Variants in ANTXR2 observed in about 807,000 individuals in gnomAD.
ANTXR2 encodes the protein anthrax toxin receptor 2.
ANTXR2 carries 44 observed loss-of-function variants against 73.7 expected under a neutral mutation model. The observed-to-expected ratio is 0.60, with a 90% CI of 0.47 to 0.77. The LOEUF (loss-of-function observed/expected upper bound fraction) is 0.77. Among genes scored for constraint, ANTXR2 ranks in the 30% least tolerant of loss-of-function variants. The pLI, the probability that ANTXR2 is intolerant of heterozygous loss-of-function variation, is 0.00. For synonymous variants in ANTXR2, 217 were observed against 205.9 expected (o/e 1.05, Z -0.46); for missense variants, 604 against 592.5 (o/e 1.02, Z -0.20).
chr4:80,062,230 T>C (rs148681922), intron 3 of ANTXR2, among the ~76,000 whole-genome samples: 1 of 152,264 alleles, frequency 6.6e-6, no homozygotes, highest in East Asian at 1.9e-4. Context: ...AAATACCCTG[T>C]ACAATCTGAA....
At chr4:79,921,601 T>A (rs1226431216) in intron 16 of ANTXR2, among the ~76,000 whole-genome samples, 1 of 152,072 alleles carries the variant, frequency 6.6e-6, no homozygotes, top group Non-Finnish European at 1.5e-5. Context: ...TGGATAAGAC[T>A]TTGTAGAAAT....
chr4:79,909,375 T>C (rs1727037213), intron 16 of ANTXR2, among the ~76,000 whole-genome samples: 1 of 152,190 alleles, frequency 6.6e-6, no homozygotes, highest in African/African-American at 2.4e-5. Context: ...GTGTGATGAC[T>C]AGTAATGGTT....
At chr4:80,055,807 T>A in intron 4 of ANTXR2, 125 bp downstream of exon 4, 1 of 734,772 alleles carries the variant, frequency 1.4e-6, no homozygotes, top group Non-Finnish European at 2.1e-6. Context: ...CTGGAACAAC[T>A]AAAAGCACTT....
At chr4:79,915,824 C>G (rs546823553) in intron 16 of ANTXR2, among the ~76,000 whole-genome samples, 1 of 112,578 alleles carries the variant, frequency 8.9e-6, no homozygotes, top group African/African-American at 3.4e-5. Flanking sequence ...GTCTCTGTCT[C>G]TCTCCCTCTC....
chr4:80,057,606 G>C (rs1472891499), intron 3 of ANTXR2, among the ~76,000 whole-genome samples: 1 of 151,766 alleles, frequency 6.6e-6, no homozygotes, highest in Non-Finnish European at 1.5e-5. Flanking sequence ...TTGGTTTAAA[G>C]TCTACCTATT....
Position 79,903,105 on chromosome 4 carries a change from T to A in ANTXR2, c.*4324A>T, listed in dbSNP as rs1257670491. The A allele has an allele frequency of 6.6e-6, 1 of 150,572 alleles. No homozygotes were observed. Among genetic ancestry groups the A allele is most frequent in the Non-Finnish European group, 1.5e-5 (1 of 67,914 alleles). 9.3% of individuals were successfully genotyped at this position (150,572 alleles called of 1,614,324 possible). A position where few individuals can be genotyped will look rare whatever the true frequency, so the allele number is the denominator to read the frequency against. ...AGGAGGTTACAGTCAGCCCAGACCATGCCATTGAACTCCAGCCTGGGTGAC... is the reference window on the plus strand; with the variant it reads ...AGGAGGTTACAGTCAGCCCAGACCAAGCCATTGAACTCCAGCCTGGGTGAC... On this transcript the variant is annotated 3_prime_UTR_variant, in exon 17 of 17. Transcript: ENST00000403729.
chr4:79,915,860 C>CTA lies in ANTXR2; in HGVS notation c.1429-8394_1429-8393insTA, dbSNP rs775665680. Among the ~76,000 whole-genome samples, 1,011 of 121,904 alleles carry CTA rather than the reference C, an allele frequency of 8.3e-3. 8 individuals carry two copies. The highest frequency in any genetic ancestry group is 0.01 in the African/African-American group (338 of 32,366). The allele number at this position is 121,904 out of a possible 152,430, so 80.0% of individuals were successfully genotyped here. ...TCTCTCTCTCTCTCTCTCTCTCTCT[C>CTA]TCTATATATATATATATACATAAAG... On this transcript the variant is annotated intron_variant, in intron 16 of 16. Coordinates refer to ENST00000403729, the MANE Select transcript of ANTXR2 (RefSeq NM_058172.6).
intron 11 of ANTXR2, among the ~76,000 whole-genome samples, chr4:80,012,927 T>C (rs1731666503): frequency 6.6e-6 from 1 of 152,210 alleles, no homozygotes; most frequent in African/African-American, 2.4e-5. Flanking sequence ...ATTAACATAA[T>C]CTGAACAGCC....
At chr4:80,015,059 T>C (rs1040929094) in intron 11 of ANTXR2, among the ~76,000 whole-genome samples, 4 of 152,182 alleles carry the variant, frequency 2.6e-5, no homozygotes, top group African/African-American at 9.6e-5. Context: ...CAAAATGACA[T>C]TAACTCTAAA....
intron 12 of ANTXR2, among the ~76,000 whole-genome samples, chr4:80,000,593 T>A (rs1560967508): frequency 6.6e-6 from 1 of 152,022 alleles, no homozygotes; most frequent in Non-Finnish European, 1.5e-5. Flanking sequence ...AATACATAAA[T>A]CATTATCTAA....
intron 12 of ANTXR2, among the ~76,000 whole-genome samples, chr4:79,986,404 A>C (rs1465708021): frequency 3.9e-5 from 6 of 152,214 alleles, no homozygotes; most frequent in Admixed American, 2.6e-4. Flanking sequence ...ATTATTTTTA[A>C]TGTGTAGTAT....
intron 10 of ANTXR2, among the ~76,000 whole-genome samples, chr4:80,020,708 T>A (rs898904072): frequency 6.6e-6 from 1 of 152,192 alleles, no homozygotes; most frequent in Non-Finnish European, 1.5e-5. Context: ...CTTAATGTGT[T>A]TTTTTTCTCA....
At chr4:80,040,921 C>G (rs1733212234) in intron 7 of ANTXR2, among the ~76,000 whole-genome samples, 1 of 151,886 alleles carries the variant, frequency 6.6e-6, no homozygotes, top group African/African-American at 2.4e-5. Context: ...AGTTTTAAGT[C>G]CTCAAACATT....
chr4:79,998,912 G>A (rs1300112181), intron 12 of ANTXR2, among the ~76,000 whole-genome samples: 1 of 151,966 alleles, frequency 6.6e-6, no homozygotes, highest in Non-Finnish European at 1.5e-5. Flanking sequence ...AGGCTTGCTA[G>A]ATAAAGGTCT....
chr4:80,052,667 G>A (rs185896110), intron 7 of ANTXR2, among the ~76,000 whole-genome samples: 1 of 151,690 alleles, frequency 6.6e-6, no homozygotes, highest in Admixed American at 6.6e-5. Flanking sequence ...AAGAGATTTT[G>A]TTGGCAAATT....
intron 16 of ANTXR2, among the ~76,000 whole-genome samples, chr4:79,919,821 C>T (rs1427878520): frequency 1.4e-5 from 2 of 143,090 alleles, no homozygotes; most frequent in African/African-American, 5.2e-5. Flanking sequence ...ATATATACAT[C>T]TATCCTATTA....
At chr4:79,934,544 A>AC (rs11419095) in intron 16 of ANTXR2, among the ~76,000 whole-genome samples, 21,579 of 128,952 alleles carry the variant, frequency 0.17, 3,008 homozygotes, top group African/African-American at 0.38. Context: ...AACAACAACA[A>AC]AAAAAAAAAA....
intron 16 of ANTXR2, among the ~76,000 whole-genome samples, chr4:79,966,463 T>C (rs1006929240): frequency 6.6e-6 from 1 of 152,204 alleles, no homozygotes; most frequent in Non-Finnish European, 1.5e-5. Context: ...GATCATCCCA[T>C]TTTAATATGA....
intron 16 of ANTXR2, among the ~76,000 whole-genome samples, chr4:79,948,011 A>C (rs561230895): frequency 2.6e-5 from 4 of 152,300 alleles, no homozygotes; most frequent in African/African-American, 9.6e-5. Context: ...TCTAGCTTGC[A>C]AAACCAAAAC....
Sources: allele counts gnomAD v4.1 joint callset (sites outside exome capture counted in the v4.1 genomes callset), GRCh38; gene constraint gnomAD v4.1.1; transcripts MANE v1.5; gene names NCBI Gene and HGNC (gene_info 2026-07-23, HGNC 2026-07-21).